The following RXRG variants were observed in gnomAD, a reference collection of about 807,000 sequenced individuals.
RXRG encodes the protein retinoid X receptor gamma.
In RXRG, 19 loss-of-function variants were observed where a neutral mutation model predicts 49.2. That is an observed-to-expected ratio of 0.39 (90% CI 0.27 to 0.57). The LOEUF is 0.57. Among genes scored for constraint, RXRG ranks in the 20% least tolerant of loss-of-function variants. RXRG has a pLI of 0.64. For synonymous variants in RXRG, 224 were observed against 216.6 expected (o/e 1.03, Z -0.30); for missense variants, 452 against 592.5 (o/e 0.76, Z 2.46).
At chr1:165,435,140 G>C (rs909521644) in intron 1 of RXRG, among the ~76,000 whole-genome samples, 2 of 152,126 alleles carry the variant, frequency 1.3e-5, no homozygotes, top group African/African-American at 4.8e-5. Context: ...TTTGGATTAG[G>C]AATGCAAAAC....
rs144000389 is a variant in RXRG at position 165,419,955 on chromosome 1, G to A, written c.357C>T (p.Pro119=). The change falls in exon 3 of 10, where the codon CCC becomes CCT. Residue 119 remains proline, a synonymous_variant. Coordinates refer to ENST00000359842, the MANE Select transcript of RXRG (RefSeq NM_006917.5). ...ATGGGTAGTTCATGTTTCCAATCCC[G>A]GGAAGCCCTGGTAAGGGCTTGATGT... ...SEDIKPLPGL[P]GIGNMNYPST... The A allele has an allele frequency of 6.0e-5, 96 of 1,613,258 alleles. No homozygotes were observed. The East Asian group carries it at 1.1e-3, about 18-fold the overall frequency.
At chr1:165,421,713 G>A (rs1557918384) in intron 2 of RXRG, among the ~76,000 whole-genome samples, 1 of 151,878 alleles carries the variant, frequency 6.6e-6, no homozygotes, top group East Asian at 1.9e-4. Context: ...TGTATTTTTG[G>A]TAGAGACAGG....
At chr1:165,427,044 C>T (rs1261451342) in intron 2 of RXRG, among the ~76,000 whole-genome samples, 1 of 152,230 alleles carries the variant, frequency 6.6e-6, no homozygotes, top group African/African-American at 2.4e-5. Context: ...TGCCCACTCA[C>T]ATTAGGGAGG....
At chr1:165,427,648 T>C (rs1571282001) in intron 2 of RXRG, among the ~76,000 whole-genome samples, 1 of 152,288 alleles carries the variant, frequency 6.6e-6, no homozygotes, top group South Asian at 2.1e-4. Flanking sequence ...TTCACTGTAT[T>C]AGCCAGGATG....
intron 2 of RXRG, among the ~76,000 whole-genome samples, chr1:165,420,366 T>C (rs917840013): frequency 6.6e-6 from 1 of 152,218 alleles, no homozygotes; most frequent in Non-Finnish European, 1.5e-5. Flanking sequence ...AAAATTTTTA[T>C]CAACTATTGA....
intron 1 of RXRG, among the ~76,000 whole-genome samples, chr1:165,435,482 G>A (rs927454065): frequency 1.3e-5 from 2 of 152,180 alleles, no homozygotes; most frequent in African/African-American, 2.4e-5. Flanking sequence ...GTCTTGTGCC[G>A]GGGCCGCTGT....
At chr1:165,415,826 C>G (rs1658105527) in intron 4 of RXRG, among the ~76,000 whole-genome samples, 1 of 152,176 alleles carries the variant, frequency 6.6e-6, no homozygotes, top group South Asian at 2.1e-4. Context: ...GGGCCATCTT[C>G]AGTTCCTTCA....
chr1:165,401,936 T>A (rs930855917), intron 9 of RXRG, among the ~76,000 whole-genome samples: 1 of 152,218 alleles, frequency 6.6e-6, no homozygotes, highest in Admixed American at 6.5e-5. Flanking sequence ...TTTTTAAGAA[T>A]GGGTTCTCAC....
At chr1:165,410,645 G>C in intron 6 of RXRG, 57 bp downstream of exon 6, 4 of 1,601,000 alleles carry the variant, frequency 2.5e-6, no homozygotes, top group Non-Finnish European at 3.4e-6. Context: ...CTTTTTTTAG[G>C]ATCCCAAGAG....
chr1:165,410,283 G>A (rs1478862643), intron 6 of RXRG, among the ~76,000 whole-genome samples: 1 of 152,114 alleles, frequency 6.6e-6, no homozygotes, highest in Admixed American at 6.5e-5. Flanking sequence ...AGAAATAGGA[G>A]GCAAAAGAAA....
At chr1:165,425,544 C>T (rs1243043578) in intron 2 of RXRG, among the ~76,000 whole-genome samples, 3 of 152,190 alleles carry the variant, frequency 2.0e-5, no homozygotes, top group Non-Finnish European at 4.4e-5. Flanking sequence ...TACTTTCTGT[C>T]TGTAACTACC....
At chr1:165,416,355 G>A (rs1436662655) in intron 4 of RXRG, among the ~76,000 whole-genome samples, 1 of 151,980 alleles carries the variant, frequency 6.6e-6, no homozygotes, top group Non-Finnish European at 1.5e-5. Context: ...CACCTTCTGA[G>A]GTTTTTTTCT....
At chr1:165,423,085 C>T (rs11588297) in intron 2 of RXRG, among the ~76,000 whole-genome samples, 4,078 of 152,292 alleles carry the variant, frequency 0.027, 93 homozygotes, top group Non-Finnish European at 0.041. Context: ...TGGATAGTGG[C>T]AGGAGGGGCA....
intron 2 of RXRG, among the ~76,000 whole-genome samples, chr1:165,421,582 T>G (rs1571277444): frequency 2.0e-5 from 3 of 148,598 alleles, no homozygotes. Context: ...CAGGCTGGAG[T>G]GCAGTGGTGC....
At chr1:165,411,954 A>G (rs1462634147) in intron 4 of RXRG, among the ~76,000 whole-genome samples, 1 of 152,190 alleles carries the variant, frequency 6.6e-6, no homozygotes, top group African/African-American at 2.4e-5. Context: ...GCAGCAATAA[A>G]CAGAATTCAA....
chr1:165,445,035 T>A lies in RXRG; in HGVS notation c.-142A>T. ...TCCTAGCAGCCCGGGGAGCACAGGC[T>A]GGGCCAGCCCTCTGGGATTAGTCAG... is the stretch of plus-strand genomic sequence containing the variant. On this transcript the variant is annotated 5_prime_UTR_variant, in exon 1 of 10. Coordinates refer to ENST00000359842, the MANE Select transcript of RXRG (RefSeq NM_006917.5). 1.4e-6 allele frequency: 1 copy of A among 728,138 alleles called. No homozygotes were observed. The allele number at this position is 728,138 out of a possible 1,614,324, so 45.1% of individuals were successfully genotyped here.
At chr1:165,441,702 C>T (rs918735145) in intron 1 of RXRG, among the ~76,000 whole-genome samples, 27 of 152,166 alleles carry the variant, frequency 1.8e-4, no homozygotes, top group African/African-American at 6.3e-4. Context: ...CTCCTTCTCA[C>T]CCTGAGGATT....
Position 165,428,726 on chromosome 1 carries a change from C to T in RXRG, c.290G>A (p.Ser97Asn), listed in dbSNP as rs1658570263. The T allele has an allele frequency of 1.9e-6, 3 of 1,594,472 alleles. No homozygotes were observed. In the African/African-American group the frequency reaches 4.0e-5, roughly 21 times the overall value. ...PPGINLVAPPSSQLNVVNSVS... is the reference protein window; with the variant it reads ...PPGINLVAPPNSQLNVVNSVS... Reference sequence around the variant, plus strand: ...GAGAGGAAGAACACTTACCTGAGAGCTGGGTGGGGCAACCAAGTTGATTCC... The same window carrying T: ...GAGAGGAAGAACACTTACCTGAGAGTTGGGTGGGGCAACCAAGTTGATTCC... Residue 97 changes from serine (S) to asparagine (N), a missense_variant, in exon 2 of 10, where the codon AGC becomes AAC. Transcript: ENST00000359842.
chr1:165,409,421 G>T (rs912880805), intron 7 of RXRG, 137 bp downstream of exon 7: 7 of 1,083,810 alleles, frequency 6.5e-6, no homozygotes, highest in African/African-American at 4.9e-5. Context: ...TGTTTGGGCT[G>T]CCCATCCTCC....
Sources: allele counts gnomAD v4.1 joint callset (sites outside exome capture counted in the v4.1 genomes callset), GRCh38; gene constraint gnomAD v4.1.1; transcripts MANE v1.5; gene names NCBI Gene and HGNC (gene_info 2026-07-23, HGNC 2026-07-21).